Variants in WDFY4 observed in about 807,000 individuals in gnomAD.
WDFY4 encodes WDFY family member 4.
Under a neutral mutation model 351.9 loss-of-function variants are expected in WDFY4, and 169 were observed. That is an observed-to-expected ratio of 0.48 (90% CI 0.42 to 0.55). The LOEUF is 0.55. WDFY4 is among the 20% of genes least tolerant of loss of function. The probability of loss-of-function intolerance (pLI) is 0.00; values close to 1 mark genes in which losing one functional copy is unlikely to be tolerated. For synonymous variants in WDFY4, 1,622 were observed against 1,574.6 expected (o/e 1.03, Z -0.71); for missense variants, 3,803 against 3,935.6 (o/e 0.97, Z 0.90).
In WDFY4 at chr10:48,873,553, T is replaced by C. The variant is rs1186468241; in HGVS notation, c.6804T>C (p.Phe2268=). 6.4e-7 allele frequency: 1 copy of C among 1,551,736 alleles called. No individual in the cohort carries two copies. The highest frequency in any genetic ancestry group is 8.7e-7 in the Non-Finnish European group (1 of 1,146,982). ...NAWARIQEQL[F]GELGLWSQGE... is the part of the protein sequence containing the mutation. ...GGGCCAGGATCCAGGAGCAGCTTTT[T>C]GGGGAGCTGGGCTTGTGGAGCCAGG... The change falls in exon 41 of 62, where the codon TTT becomes TTC. Residue 2268 remains phenylalanine, a synonymous_variant. Transcript: ENST00000325239.
chr10:48,685,182 G>A (rs181086549), intron 1 of WDFY4, among the ~76,000 whole-genome samples, 181 bp downstream of exon 1: 114 of 152,352 alleles, frequency 7.5e-4, no homozygotes, highest in African/African-American at 2.7e-3. Flanking sequence ...CAGGAAGTGT[G>A]TGTGGCGTGG....
rs138246520 is a variant in WDFY4 at position 48,738,133 on chromosome 10, A to G, written c.1878+2063A>G. 1.9e-3 allele frequency among the ~76,000 whole-genome samples: 282 copies of G among 152,330 alleles called. 2 individuals are homozygous for G. The highest frequency in any genetic ancestry group is 2.4e-3 in the Non-Finnish European group (163 of 68,018). On this transcript the variant is annotated intron_variant, in intron 11 of 61. Coordinates refer to ENST00000325239, the MANE Select transcript of WDFY4 (RefSeq NM_001394531.1). The stretch of plus-strand genomic sequence containing the variant: ...TCTATTGGGTGAATAATTGTTCCTG[A>G]CAGTACCATATCAAAAGCCAAACAG...
intron 39 of WDFY4, among the ~76,000 whole-genome samples, chr10:48,848,949 T>G (rs1589746166): frequency 6.6e-6 from 1 of 152,196 alleles, no homozygotes; most frequent in Non-Finnish European, 1.5e-5. Flanking sequence ...GCAAGTGGGT[T>G]ACCATTGCGT....
intron 2 of WDFY4, among the ~76,000 whole-genome samples, chr10:48,717,272 G>T (rs2063939891): frequency 6.6e-6 from 1 of 152,176 alleles, no homozygotes; most frequent in African/African-American, 2.4e-5. Flanking sequence ...GTATGTGTTG[G>T]AGGTCTGCTA....
intron 47 of WDFY4, among the ~76,000 whole-genome samples, chr10:48,923,852 A>G (rs1035116002): frequency 5.9e-5 from 9 of 152,174 alleles, no homozygotes; most frequent in African/African-American, 1.2e-4. Context: ...GAGGCCAAAC[A>G]CACTGAGCAT....
intron 12 of WDFY4, among the ~76,000 whole-genome samples, chr10:48,749,248 T>C (rs917901868): frequency 6.6e-5 from 10 of 152,096 alleles, no homozygotes; most frequent in African/African-American, 2.4e-4. Flanking sequence ...GTGTCCAAAA[T>C]ACATCATATA....
At chr10:48,819,520 C>T (rs1488123436) in intron 32 of WDFY4, among the ~76,000 whole-genome samples, 10 of 152,186 alleles carry the variant, frequency 6.6e-5, no homozygotes, top group Non-Finnish European at 1.3e-4. Flanking sequence ...GAGAAGTTCA[C>T]GGGCTGGGAG....
intron 47 of WDFY4, among the ~76,000 whole-genome samples, chr10:48,902,233 T>C (rs1318011184): frequency 6.6e-6 from 1 of 152,078 alleles, no homozygotes; most frequent in Non-Finnish European, 1.5e-5. Flanking sequence ...GTGATGAGGG[T>C]TTCTGAACGC....
intron 43 of WDFY4, among the ~76,000 whole-genome samples, chr10:48,889,811 A>G (rs930386962): frequency 6.6e-6 from 1 of 152,232 alleles, no homozygotes; most frequent in Non-Finnish European, 1.5e-5. Context: ...AGTCTCAGCA[A>G]AGACTTCAGC....
At position 48,766,772 on chromosome 10, in the gene WDFY4, G is replaced by A. The variant is rs961275582; in HGVS notation, c.2553+6332G>A. ...GTAATGTTCCTTTTCCATGACATAC[G>A]TAGGCTACCTTGTTTCTCTGTATCT... On this transcript the variant is annotated intron_variant, in intron 13 of 61. Coordinates refer to ENST00000325239, the MANE Select transcript of WDFY4 (RefSeq NM_001394531.1). Among the ~76,000 whole-genome samples the A allele has an allele frequency of 3.3e-5, 5 of 152,154 alleles. No individual in the cohort carries two copies. The East Asian group carries it at 5.8e-4, about 18-fold the overall frequency.
At chr10:48,837,363 G>T (rs1209098770) in intron 39 of WDFY4, among the ~76,000 whole-genome samples, 1 of 152,090 alleles carries the variant, frequency 6.6e-6, no homozygotes, top group African/African-American at 2.4e-5. Flanking sequence ...GGTACCACAG[G>T]CCAGCCTAGA....
intron 47 of WDFY4, among the ~76,000 whole-genome samples, chr10:48,907,671 A>G (rs1421876714): frequency 6.6e-6 from 1 of 152,198 alleles, no homozygotes; most frequent in Non-Finnish European, 1.5e-5. Context: ...GGGGGAGGCT[A>G]AAGTTCAAGC....
At chr10:48,814,357 T>A (rs1233091378) in intron 31 of WDFY4, among the ~76,000 whole-genome samples, 3 of 152,210 alleles carry the variant, frequency 2.0e-5, no homozygotes. Context: ...TTGCCTTCAG[T>A]CAAAGGGAAC....
intron 61 of WDFY4, 117 bp from the exon 62 acceptor site, chr10:48,982,392 C>A (rs540275819): frequency 3.4e-5 from 29 of 864,290 alleles, no homozygotes; most frequent in Non-Finnish European, 4.4e-5. Context: ...GAGACAAGAC[C>A]AGGGGCAAGC....
At position 48,977,065 on chromosome 10, in the gene WDFY4, T is replaced by C. The variant is rs1025315756; in HGVS notation, c.9291+86T>C. On this transcript the variant is annotated intron_variant, in intron 59 of 61. Coordinates refer to ENST00000325239, the MANE Select transcript of WDFY4 (RefSeq NM_001394531.1). ...CTCACTTCCTCCAGGGGGCCAAACC[T>C]GCAGGTTGCATTTGAGACCATTCCA... 7 of 1,289,458 alleles carry C rather than the reference T, an allele frequency of 5.4e-6. No homozygotes were observed. In the South Asian group the frequency reaches 7.6e-5, roughly 14 times the overall value. The allele number at this position is 1,289,458 out of a possible 1,614,324, so 79.9% of individuals were successfully genotyped here.
chr10:48,836,930 A>G (rs2068420403), intron 39 of WDFY4, among the ~76,000 whole-genome samples: 1 of 152,144 alleles, frequency 6.6e-6, no homozygotes, highest in Non-Finnish European at 1.5e-5. Context: ...TTACGTACTC[A>G]ATTCCAGACT....
chr10:48,793,119 T>G (rs1052078641), intron 23 of WDFY4, among the ~76,000 whole-genome samples: 2 of 152,208 alleles, frequency 1.3e-5, no homozygotes, highest in Non-Finnish European at 2.9e-5. Flanking sequence ...TTTACTCAAC[T>G]TAATTGATCA....
intron 43 of WDFY4, 46 bp from the exon 44 acceptor site, chr10:48,890,533 G>A (rs375528630): frequency 2.6e-6 from 4 of 1,550,326 alleles, no homozygotes; most frequent in African/African-American, 2.7e-5. Flanking sequence ...AGAATCATGG[G>A]CATGCTTCCT....
chr10:48,809,889 G>A (rs1406002013), intron 28 of WDFY4, among the ~76,000 whole-genome samples: 1 of 152,210 alleles, frequency 6.6e-6, no homozygotes, highest in Admixed American at 6.5e-5. Context: ...CACAGGTGGA[G>A]CCTTCACTTG....
Sources: gnomAD v4.1 joint callset for allele counts (sites outside exome capture counted in the v4.1 genomes callset) on GRCh38, gnomAD v4.1.1 for gene constraint, MANE v1.5 for transcripts, NCBI Gene and HGNC (gene_info 2026-07-23, HGNC 2026-07-21) for gene names.